PTCD2: variants seen among roughly 807,000 people sequenced by gnomAD.
PTCD2 encodes the protein pentatricopeptide repeat domain 2, also known as pentatricopeptide repeat-containing protein 2, mitochondrial.
Under a neutral mutation model 42.6 loss-of-function variants are expected in PTCD2, and 31 were observed. The ratio of observed to expected loss-of-function variants is 0.73; its 90% CI spans 0.55 to 0.98. The LOEUF is 0.98. Ranked by LOEUF, PTCD2 falls within the 50% of genes least tolerant of loss-of-function variation. The pLI, the probability that PTCD2 is intolerant of heterozygous loss-of-function variation, is 0.00. For missense variants in PTCD2, 476 were observed against 454.8 expected, an observed-to-expected ratio of 1.05 and a Z score of -0.42; for synonymous variants, 183 against 170.9, an observed-to-expected ratio of 1.07 and a Z score of -0.55.
chr5:72,350,944 C>T (rs988982508), intron 8 of PTCD2, among the ~76,000 whole-genome samples: 2 of 152,140 alleles, frequency 1.3e-5, no homozygotes, highest in African/African-American at 4.8e-5. Context: ...CATATGTGCA[C>T]ATTGTTCAGT....
chr5:72,346,544 G>A (rs2112203943), intron 8 of PTCD2, among the ~76,000 whole-genome samples: 1 of 152,314 alleles, frequency 6.6e-6, no homozygotes, highest in Non-Finnish European at 1.5e-5. Flanking sequence ...GGGTCAGCCT[G>A]AAAAGCTCAC....
Position 72,358,432 on chromosome 5 carries a change from G to C in PTCD2, c.*5G>C. 6.2e-7 allele frequency: 1 copy of C among 1,607,696 alleles called. No individual in the cohort carries two copies. Among genetic ancestry groups the C allele is most frequent in the South Asian group, 1.1e-5 (1 of 90,836 alleles). On this transcript the variant is annotated 3_prime_UTR_variant, in exon 10 of 10. Coordinates refer to ENST00000380639, the MANE Select transcript of PTCD2 (RefSeq NM_024754.5). ...CAGTCCCTGTTGGCTGAGTAACCCT[G>C]GTTTCAGTCCACCTATGGATCTGAG...
intron 2 of PTCD2, 81 bp from the exon 3 acceptor site, chr5:72,326,531 G>C: frequency 2.0e-6 from 3 of 1,523,274 alleles, no homozygotes; most frequent in Non-Finnish European, 2.7e-6. Context: ...CCGGGGTTGG[G>C]CTTCCCCATC....
chr5:72,353,622 C>G (rs1225943596), intron 9 of PTCD2, among the ~76,000 whole-genome samples: 1 of 152,092 alleles, frequency 6.6e-6, no homozygotes, highest in Non-Finnish European at 1.5e-5. Flanking sequence ...GTTAAAGTTT[C>G]TATAATTCAA....
intron 3 of PTCD2, among the ~76,000 whole-genome samples, chr5:72,327,348 A>G (rs1751199385): frequency 6.6e-6 from 1 of 152,210 alleles, no homozygotes; most frequent in Non-Finnish European, 1.5e-5. Context: ...ACTCGCATGT[A>G]AGCATAGCCT....
intron 1 of PTCD2, 46 bp from the exon 2 acceptor site, chr5:72,322,126 T>C: frequency 9.7e-7 from 1 of 1,031,000 alleles, no homozygotes; most frequent in Non-Finnish European, 1.5e-6. Context: ...TGCTAACTTC[T>C]AAAACAGTCA....
At chr5:72,321,366 G>A (rs1379417228) in intron 1 of PTCD2, 5 of 152,184 alleles carry the variant, frequency 3.3e-5, no homozygotes, top group African/African-American at 7.2e-5. Context: ...CATTTACAGA[G>A]GAGGAACAAG....
intron 1 of PTCD2, 176 bp downstream of exon 1, chr5:72,320,685 AC>A: frequency 1.3e-6 from 1 of 762,578 alleles, no homozygotes; most frequent in Non-Finnish European, 2.1e-6. Context: ...GGTCGTGGAT[AC>A]CCCCAGTGCC....
chr5:72,331,211 T>A (rs763734813), intron 3 of PTCD2, 47 bp from the exon 4 acceptor site: 2 of 1,250,238 alleles, frequency 1.6e-6, no homozygotes, highest in Non-Finnish European at 2.4e-6. Context: ...GTCTGTCCTT[T>A]TTCCTGTGTC....
intron 2 of PTCD2, among the ~76,000 whole-genome samples, chr5:72,326,259 ATTCAGTTATTTGAGCC>A (rs1417043769): frequency 6.6e-6 from 1 of 152,072 alleles, no homozygotes; most frequent in Non-Finnish European, 1.5e-5. Flanking sequence ...TCACCTAGAG[ATTCAGTTATTTGAGCC>A]AAGCCTCTGG....
intron 8 of PTCD2, among the ~76,000 whole-genome samples, chr5:72,350,071 C>T (rs568771999): frequency 6.6e-6 from 1 of 152,280 alleles, no homozygotes; most frequent in East Asian, 1.9e-4. Flanking sequence ...TTATCGAGGG[C>T]TGGCCAGTTG....
chr5:72,332,847 A>G (rs913172004), intron 4 of PTCD2, among the ~76,000 whole-genome samples: 1 of 152,210 alleles, frequency 6.6e-6, no homozygotes, highest in Non-Finnish European at 1.5e-5. Flanking sequence ...TCAAATTTAC[A>G]TGTGCTGTAA....
chr5:72,330,978 G>A (rs563442200), intron 3 of PTCD2, among the ~76,000 whole-genome samples: 1 of 152,168 alleles, frequency 6.6e-6, no homozygotes, highest in Non-Finnish European at 1.5e-5. Flanking sequence ...TCTAGGGGTT[G>A]TTTCTAAATT....
At chr5:72,339,011 G>C (rs529139902) in intron 7 of PTCD2, among the ~76,000 whole-genome samples, 1 of 152,318 alleles carries the variant, frequency 6.6e-6, no homozygotes, top group East Asian at 1.9e-4. Context: ...ATCAGATTAC[G>C]TTGTAATGTT....
chr5:72,347,811 G>T (rs1465967097), intron 8 of PTCD2, among the ~76,000 whole-genome samples: 1 of 152,066 alleles, frequency 6.6e-6, no homozygotes, highest in Non-Finnish European at 1.5e-5. Flanking sequence ...AATAAGAGGA[G>T]CAATGCAGGG....
intron 3 of PTCD2, among the ~76,000 whole-genome samples, chr5:72,329,908 A>G (rs1751346993): frequency 6.6e-6 from 1 of 152,018 alleles, no homozygotes; most frequent in African/African-American, 2.4e-5. Context: ...AAGTGTTGTA[A>G]TGAAGCAATG....
At chr5:72,326,889 C>T in intron 3 of PTCD2, 148 bp downstream of exon 3, 1 of 713,410 alleles carries the variant, frequency 1.4e-6, no homozygotes, top group Admixed American at 2.6e-5. Flanking sequence ...GAACTCCAGA[C>T]ACCTACATTC....
intron 3 of PTCD2, among the ~76,000 whole-genome samples, chr5:72,329,784 A>C (rs1404029637): frequency 6.6e-6 from 1 of 152,094 alleles, no homozygotes; most frequent in African/African-American, 2.4e-5. Flanking sequence ...GTAGTTAATT[A>C]ATTTGCTCAT....
At chr5:72,320,736 G>A (rs1750785476) in intron 1 of PTCD2, 6 of 575,386 alleles carry the variant, frequency 1.0e-5, no homozygotes, top group African/African-American at 3.7e-5. Flanking sequence ...CCTTGGGGCT[G>A]TAGTGCTCCC....
Sources: gnomAD v4.1 joint callset for allele counts (sites outside exome capture counted in the v4.1 genomes callset) on GRCh38, gnomAD v4.1.1 for gene constraint, MANE v1.5 for transcripts, NCBI Gene and HGNC (gene_info 2026-07-23, HGNC 2026-07-21) for gene names.